Variants in PAK6 observed in about 807,000 individuals in gnomAD.
PAK6 encodes the protein p21 (RAC1) activated kinase 6.
A neutral mutation model predicts 60.8 loss-of-function variants in PAK6; 33 were observed. That is an observed-to-expected ratio of 0.54 (90% CI 0.41 to 0.73). The LOEUF is 0.73. Ranked by LOEUF, PAK6 falls within the 30% of genes least tolerant of loss-of-function variation. PAK6 has a pLI of 0.00. For synonymous variants in PAK6, 404 were observed against 378.5 expected (o/e 1.07, Z -0.78); for missense variants, 845 against 904.1 (o/e 0.93, Z 0.84).
At chr15:40,251,326 T>C (rs913280964) in intron 2 of PAK6, 4 of 152,200 alleles carry the variant, frequency 2.6e-5, no homozygotes, top group Admixed American at 2.0e-4. Context: ...GCCGAGGGCA[T>C]TGGGCTTGTG....
intron 3 of PAK6, among the ~76,000 whole-genome samples, chr15:40,263,299 G>A (rs1054385048): frequency 6.6e-6 from 1 of 152,224 alleles, no homozygotes; most frequent in African/African-American, 2.4e-5. Flanking sequence ...CTTGAAGCCT[G>A]GAAGTGACCT....
At chr15:40,256,234 A>T (rs28698100) in intron 3 of PAK6, among the ~76,000 whole-genome samples, 2 of 150,934 alleles carry the variant, frequency 1.3e-5, no homozygotes, top group Admixed American at 6.6e-5. Flanking sequence ...CTAAAAAAAA[A>T]TTTTTTTTTT....
At position 40,269,472 on chromosome 15, in the gene PAK6, C is replaced by T. The variant is rs113143181; in HGVS notation, c.859-2752C>T. Among the ~76,000 whole-genome samples, 572 of 152,344 alleles carry T rather than the reference C, an allele frequency of 3.8e-3. 4 individuals carry two copies. Among genetic ancestry groups the T allele is most frequent in the African/African-American group, 0.013 (542 of 41,582 alleles). ...TATGCATGACTCTTCTAGTGGCTTT[C>T]TTCCCAAGAGGTCTATCACATGAGT... On this transcript the variant is annotated intron_variant, in intron 5 of 10. Transcript: ENST00000560346.
At chr15:40,268,346 G>GCCT (rs2039204657) in intron 5 of PAK6, among the ~76,000 whole-genome samples, 1 of 152,110 alleles carries the variant, frequency 6.6e-6, no homozygotes, top group South Asian at 2.1e-4. Flanking sequence ...AGCCTCCCTG[G>GCCT]CCTCTACTCA....
At chr15:40,252,941 C>T in intron 2 of PAK6, 1 of 979,180 alleles carries the variant, frequency 1.0e-6, no homozygotes, top group Non-Finnish European at 1.3e-6. Flanking sequence ...GGCCGGGTGG[C>T]CGCGCCGGGT....
At position 40,266,207 on chromosome 15, in the gene PAK6, G is replaced by A. The variant is rs571742473; in HGVS notation, c.570G>A (p.Gln190=). Reference sequence around the variant, plus strand: ...CCGCCGAGTTTCAGGGTGCCTCGCAGCGCTGTCTGCAGCTGGGTGCCTGCC... The same window carrying A: ...CCGCCGAGTTTCAGGGTGCCTCGCAACGCTGTCTGCAGCTGGGTGCCTGCC... Residue 190 remains glutamine, a synonymous_variant, in exon 5 of 11, where the codon CAG becomes CAA. Coordinates refer to ENST00000560346, the Ensembl canonical transcript of PAK6. 7 of 1,609,794 alleles carry A rather than the reference G, an allele frequency of 4.3e-6. No homozygotes were observed. In the African/African-American group the frequency reaches 8.0e-5, roughly 18 times the overall value.
At chr15:40,265,939 G>A (rs763340659) in exon 5 of PAK6, 25 of 1,606,516 alleles carry the variant, frequency 1.6e-5, no homozygotes, top group Middle Eastern at 1.7e-4. Flanking sequence ...AACACCCTGC[G>A]TGGCCGCAGC....
chr15:40,266,120 C>T lies in PAK6; in HGVS notation c.483C>T (p.Pro161=), dbSNP rs563471275. Residue 161 remains proline (P), a synonymous_variant, in exon 5 of 11, where the codon CCC becomes CCT. Transcript: ENST00000560346. ...CAGGCCACAAGCAGATGCCGTGGCC[C>T]GAGCCACAGAGCCCACGGGTCCTGC... is the stretch of plus-strand genomic sequence containing the variant. 267 of 1,592,510 alleles carry T rather than the reference C, an allele frequency of 1.7e-4. 2 individuals are homozygous for T. The South Asian group carries it at 2.6e-3, about 16-fold the overall frequency.
chr15:40,256,211 T>C (rs1281313105), intron 3 of PAK6, among the ~76,000 whole-genome samples: 1 of 152,144 alleles, frequency 6.6e-6, no homozygotes, highest in African/African-American at 2.4e-5. Context: ...GGCGACTGAG[T>C]GAGACTCTGT....
intron 2 of PAK6, among the ~76,000 whole-genome samples, chr15:40,242,845 G>A (rs574219939): frequency 3.3e-5 from 5 of 152,172 alleles, no homozygotes; most frequent in South Asian, 4.1e-4. Context: ...TTGTTCTGGC[G>A]CACAGGCTGC....
chr15:40,240,766 G>C (rs2038306324), intron 2 of PAK6, 85 bp downstream of exon 2: 1 of 395,182 alleles, frequency 2.5e-6, no homozygotes, highest in Non-Finnish European at 5.1e-6. Context: ...TCCCACCTGG[G>C]ACAGGGAGGC....
intron 3 of PAK6, chr15:40,264,294 CAT>C: frequency 2.9e-6 from 1 of 345,286 alleles, no homozygotes; most frequent in Non-Finnish European, 5.7e-6. Flanking sequence ...TTAAGATTTT[CAT>C]AGTTACGTTC....
chr15:40,240,562 C>CCTT, intron 1 of PAK6, 37 bp from the exon 2 acceptor site: 2 of 320,512 alleles, frequency 6.2e-6, no homozygotes, highest in East Asian at 9.6e-5. Context: ...TTTTCTTTTC[C>CCTT]TTTTTTTTTT....
Position 40,272,747 on chromosome 15 carries a change from C to T in PAK6, c.1356+26C>T, listed in dbSNP as rs200464952. On this transcript the variant is annotated intron_variant, in intron 6 of 10. Transcript: ENST00000560346. ...GTGGGAGGACAGGGTGGGACACAGA[C>T]GGGGGCGTTGGGGATGGGCAGTGAG... 354 of 1,577,706 alleles carry T rather than the reference C, an allele frequency of 2.2e-4. 1 individual carries two copies. The African/African-American group carries it at 4.0e-3, about 18-fold the overall frequency.
In PAK6 at chr15:40,267,305, G is replaced by A. The variant is rs1040682362; in HGVS notation, c.858+810G>A. On this transcript the variant is annotated intron_variant, in intron 5 of 10. Coordinates refer to ENST00000560346, the Ensembl canonical transcript of PAK6. Reference sequence around the variant, plus strand: ...CCCAGCCTGCACAGGGTGTGGGTTTGGGGATGACCCGGACTACAACCTCTC... The same window carrying A: ...CCCAGCCTGCACAGGGTGTGGGTTTAGGGATGACCCGGACTACAACCTCTC... Among the ~76,000 whole-genome samples, 6 of 152,144 alleles carry A rather than the reference G, an allele frequency of 3.9e-5. 1 individual carries two copies. The highest frequency in any genetic ancestry group is 1.4e-4 in the African/African-American group (6 of 41,422).
At chr15:40,273,833 C>G (rs1045868880) in intron 9 of PAK6, 157 bp downstream of exon 9, 17 of 911,336 alleles carry the variant, frequency 1.9e-5, no homozygotes, top group Non-Finnish European at 2.8e-5. Context: ...GCTGCTCTTA[C>G]CCAGTGACTT....
intron 2 of PAK6, among the ~76,000 whole-genome samples, chr15:40,243,203 A>C (rs2038403687): frequency 6.6e-6 from 1 of 152,236 alleles, no homozygotes; most frequent in South Asian, 2.1e-4. Flanking sequence ...AAAAAAGATA[A>C]GTTGAGAATG....
Position 40,265,089 on chromosome 15 carries a change from C to T in PAK6, c.204+100C>T, listed in dbSNP as rs1480293768. ...AGGCCCCTGGAGGAACCACCTACTT[C>T]ACAGCTATCAGTTAATCAGCTGTTT... On this transcript the variant is annotated intron_variant, in intron 4 of 10. Transcript: ENST00000560346. The T allele has an allele frequency of 3.9e-6, 4 of 1,034,236 alleles. No homozygotes were observed. The Admixed American group carries it at 8.2e-5, about 21-fold the overall frequency. 64.1% of individuals were successfully genotyped at this position (1,034,236 alleles called of 1,614,324 possible). A position where few individuals can be genotyped will look rare whatever the true frequency, so the allele number is the denominator to read the frequency against.
At position 40,276,484 on chromosome 15, in the gene PAK6, A is replaced by T. The variant is rs2242120; in HGVS notation, c.*390A>T. 9,671 of 176,784 alleles carry T rather than the reference A, an allele frequency of 0.055. 356 individuals are homozygous for T. Among genetic ancestry groups the T allele is most frequent in the South Asian group, 0.11 (648 of 6,096 alleles). The allele number at this position is 176,784 out of a possible 1,614,324, so 11.0% of individuals were successfully genotyped here. Reference sequence around the variant, plus strand: ...GGGCAGACTGCTGGTCTCCACAGATACCTGCTGTTCTCAGCTCCAGCTTCA... The same window carrying T: ...GGGCAGACTGCTGGTCTCCACAGATTCCTGCTGTTCTCAGCTCCAGCTTCA... On this transcript the variant is annotated 3_prime_UTR_variant, in exon 11 of 11. Coordinates refer to ENST00000560346, the Ensembl canonical transcript of PAK6.
Sources: allele counts gnomAD v4.1 joint callset (sites outside exome capture counted in the v4.1 genomes callset), GRCh38; gene constraint gnomAD v4.1.1; transcripts MANE v1.5; gene names NCBI Gene and HGNC (gene_info 2026-07-23, HGNC 2026-07-21).